Variants in SNAPC3 observed in about 807,000 individuals in gnomAD.
SNAPC3 encodes snRNA-activating protein complex subunit 3.
In SNAPC3, 56 loss-of-function variants were observed where a neutral mutation model predicts 47.7. The observed-to-expected ratio is 1.18, with a 90% CI of 0.95 to 1.47. SNAPC3 has a LOEUF of 1.47. Among genes scored for constraint, SNAPC3 ranks in the 40% most tolerant of loss-of-function variants. The pLI, the probability that SNAPC3 is intolerant of heterozygous loss-of-function variation, is 0.00. For synonymous variants in SNAPC3, 235 were observed against 189.9 expected (o/e 1.24, Z -1.95); for missense variants, 665 against 511.3 (o/e 1.30, Z -2.90).
intron 2 of SNAPC3, among the ~76,000 whole-genome samples, chr9:15,424,729 T>C (rs1397650056): frequency 1.3e-5 from 2 of 152,250 alleles, no homozygotes; most frequent in African/African-American, 4.8e-5. Context: ...AAATTGTGCA[T>C]GTAATAGTGA....
chr9:15,442,391 G>A (rs1269932090), intron 3 of SNAPC3, among the ~76,000 whole-genome samples: 1 of 148,840 alleles, frequency 6.7e-6, no homozygotes, highest in Admixed American at 6.6e-5. Context: ...GCTGCTGGGC[G>A]GAGGGGCTCC....
chr9:15,430,670 T>C (rs561989628), intron 2 of SNAPC3, among the ~76,000 whole-genome samples: 2 of 152,332 alleles, frequency 1.3e-5, no homozygotes, highest in South Asian at 4.1e-4. Context: ...GTCTGCTTGT[T>C]ATTCCTTGCA....
intron 5 of SNAPC3, among the ~76,000 whole-genome samples, chr9:15,448,609 A>G (rs988570643): frequency 1.3e-5 from 2 of 152,148 alleles, no homozygotes; most frequent in African/African-American, 4.8e-5. Context: ...CAGGCTGACT[A>G]TATTCGTTTT....
chr9:15,465,800 G>A, downstream of SNAPC3: 8 of 458,770 alleles, frequency 1.7e-5, no homozygotes, highest in South Asian at 8.8e-5. Flanking sequence ...GTAATATGCA[G>A]ATGAAGCAAA....
chr9:15,446,862 T>G (rs2033971990), intron 4 of SNAPC3, among the ~76,000 whole-genome samples: 1 of 152,014 alleles, frequency 6.6e-6, no homozygotes, highest in Non-Finnish European at 1.5e-5. Flanking sequence ...AGTGGCTTGG[T>G]GTGTAATAAA....
chr9:15,439,544 GT>G (rs995805242), intron 3 of SNAPC3, among the ~76,000 whole-genome samples: 1 of 151,190 alleles, frequency 6.6e-6, no homozygotes, highest in Non-Finnish European at 1.5e-5. Context: ...GGATTACTTT[GT>G]TTTTTTTGAG....
intron 3 of SNAPC3, among the ~76,000 whole-genome samples, chr9:15,434,262 CAG>C (rs1246648728): frequency 1.3e-5 from 2 of 152,178 alleles, no homozygotes; most frequent in Non-Finnish European, 2.9e-5. Context: ...TCATCCCAAA[CAG>C]AAATTCCATA....
intron 6 of SNAPC3, among the ~76,000 whole-genome samples, chr9:15,452,442 C>T (rs1243709962): frequency 1.3e-5 from 2 of 152,088 alleles, no homozygotes; most frequent in Non-Finnish European, 2.9e-5. Context: ...CCTCAGCCTC[C>T]CCAGTAGCTG....
intron 2 of SNAPC3, among the ~76,000 whole-genome samples, chr9:15,428,111 CAAA>C (rs34074367): frequency 4.1e-5 from 3 of 72,984 alleles, no homozygotes; most frequent in Non-Finnish European, 2.6e-5. Context: ...ACTCTGTCTC[CAAA>C]AAAAAAAAAA....
chr9:15,449,553 ATATATATATATTT>A (rs1374083525), intron 5 of SNAPC3, among the ~76,000 whole-genome samples: 7 of 37,582 alleles, frequency 1.9e-4, no homozygotes, highest in Admixed American at 3.4e-4. Flanking sequence ...ATATATATAT[ATATATATATATTT>A]TTTTTTTTTT....
intron 3 of SNAPC3, among the ~76,000 whole-genome samples, chr9:15,438,315 A>T (rs1355488532): frequency 1.3e-5 from 2 of 152,148 alleles, no homozygotes; most frequent in Non-Finnish European, 2.9e-5. Flanking sequence ...CTGTAAAATC[A>T]GTAGTAACGT....
intron 8 of SNAPC3, among the ~76,000 whole-genome samples, chr9:15,458,367 T>TA (rs1161491712): frequency 6.6e-6 from 1 of 152,178 alleles, no homozygotes; most frequent in Non-Finnish European, 1.5e-5. Context: ...AATTCTCTGA[T>TA]AGAATACATT....
At position 15,459,707 on chromosome 9, in the gene SNAPC3, TA is replaced by T; in HGVS notation, c.1089-7del. The T allele has an allele frequency of 1.2e-6, 2 of 1,609,908 alleles. No individual in the cohort carries two copies. Among genetic ancestry groups the T allele is most frequent in the Non-Finnish European group, 1.7e-6 (2 of 1,177,922 alleles). ...GATTGTAATGATGTACTTCTTTTTT[TA>T]AAAACTACAGATGGGTGACGAACAA... On this transcript the variant is annotated splice_polypyrimidine_tract_variant and intron_variant, in intron 8 of 8. Transcript: ENST00000380821.
chr9:15,454,758 A>C (rs1366574143), intron 7 of SNAPC3, among the ~76,000 whole-genome samples: 1 of 152,144 alleles, frequency 6.6e-6, no homozygotes, highest in African/African-American at 2.4e-5. Context: ...TAACACAGTG[A>C]AAGCGTCTCT....
chr9:15,423,601 G>A (rs2030897600), intron 1 of SNAPC3, among the ~76,000 whole-genome samples: 1 of 152,124 alleles, frequency 6.6e-6, no homozygotes. Context: ...CGACTAACTG[G>A]TTTCTTTTGG....
At chr9:15,442,855 C>T (rs113774770) in intron 3 of SNAPC3, among the ~76,000 whole-genome samples, 8 of 152,088 alleles carry the variant, frequency 5.3e-5, no homozygotes, top group Non-Finnish European at 7.4e-5. Context: ...GCCGAGATCA[C>T]GCCACTGCAC....
Position 15,438,669 on chromosome 9 carries a change from T to A in SNAPC3, c.477+5033T>A, listed in dbSNP as rs1198450208. The stretch of plus-strand genomic sequence containing the variant: ...GTGTTGTTAAATTTCCACATACTTG[T>A]GAATTTTCCAATTTTTCTCCTGTTA... On this transcript the variant is annotated intron_variant, in intron 3 of 8. Transcript: ENST00000380821. 2.6e-5 allele frequency among the ~76,000 whole-genome samples: 4 copies of A among 152,332 alleles called. No homozygotes were observed. In the East Asian group the frequency reaches 7.7e-4, roughly 29 times the overall value.
intron 5 of SNAPC3, among the ~76,000 whole-genome samples, 196 bp from the exon 6 acceptor site, chr9:15,451,124 A>C (rs2034352409): frequency 6.6e-6 from 1 of 152,196 alleles, no homozygotes; most frequent in Admixed American, 6.5e-5. Context: ...GGTTCCTTTC[A>C]TGAATCTCAG....
chr9:15,444,441 T>C lies in SNAPC3; in HGVS notation c.478-161T>C, dbSNP rs57901140. ...GTTCTGTTTGTTTATTGAAAGAAGA[T>C]GAAACTAAAGCTTAGAGATGTCTTA... On this transcript the variant is annotated intron_variant, in intron 3 of 8. Transcript: ENST00000380821. 5.9e-3 allele frequency among the ~76,000 whole-genome samples: 894 copies of C among 152,354 alleles called. 7 individuals carry two copies. Among genetic ancestry groups the C allele is most frequent in the African/African-American group, 0.021 (858 of 41,578 alleles).
Sources: gnomAD v4.1 joint callset for allele counts (sites outside exome capture counted in the v4.1 genomes callset) on GRCh38, gnomAD v4.1.1 for gene constraint, MANE v1.5 for transcripts, NCBI Gene and HGNC (gene_info 2026-07-23, HGNC 2026-07-21) for gene names.